Variants in PANX1 observed in about 807,000 individuals in gnomAD.
PANX1 encodes pannexin 1, also known as pannexin-1.
A neutral mutation model predicts 38.7 loss-of-function variants in PANX1; 30 were observed. That is an observed-to-expected ratio of 0.78 (90% CI 0.58 to 1.05). The LOEUF (loss-of-function observed/expected upper bound fraction) is 1.05, where lower values mean the gene tolerates loss of function less well. Ranked by LOEUF, PANX1 falls within the 50% of genes least tolerant of loss-of-function variation. PANX1 has a pLI of 0.00. For synonymous variants in PANX1, 230 were observed against 212.2 expected (o/e 1.08, Z -0.73); for missense variants, 551 against 517.2 (o/e 1.07, Z -0.63).
At chr11:94,172,183 G>A (rs968068081) in intron 2 of PANX1, among the ~76,000 whole-genome samples, 25 of 151,580 alleles carry the variant, frequency 1.6e-4, no homozygotes, top group African/African-American at 5.9e-4. Context: ...GGCTCCCGAG[G>A]CCATCTAGGC....
intron 1 of PANX1, among the ~76,000 whole-genome samples, chr11:94,142,690 G>C (rs1055909703): frequency 2.0e-5 from 3 of 152,228 alleles, no homozygotes; most frequent in African/African-American, 7.2e-5. Context: ...CCCTTGGAGG[G>C]CTGAGACCAA....
intron 1 of PANX1, among the ~76,000 whole-genome samples, chr11:94,135,919 A>G (rs528676769): frequency 2.0e-5 from 3 of 152,228 alleles, no homozygotes; most frequent in Non-Finnish European, 4.4e-5. Context: ...GTGCCAGTAC[A>G]TAGGTGTCAC....
chr11:94,140,484 A>G (rs1946748866), intron 1 of PANX1, among the ~76,000 whole-genome samples: 1 of 152,180 alleles, frequency 6.6e-6, no homozygotes, highest in Non-Finnish European at 1.5e-5. Flanking sequence ...TGTCCCAGAG[A>G]TATCTTCATG....
intron 2 of PANX1, among the ~76,000 whole-genome samples, chr11:94,174,900 A>T (rs1365134159): frequency 1.3e-5 from 2 of 151,788 alleles, no homozygotes; most frequent in Non-Finnish European, 2.9e-5. Context: ...ACTATAACCC[A>T]TTCCAGAAAC....
intron 2 of PANX1, among the ~76,000 whole-genome samples, chr11:94,177,680 G>T (rs1947250572): frequency 6.7e-6 from 1 of 148,222 alleles, no homozygotes; most frequent in Admixed American, 6.7e-5. Flanking sequence ...CTCTTGTTTG[G>T]TGTGTGTCTG....
chr11:94,159,069 T>A (rs1313444993), intron 2 of PANX1, among the ~76,000 whole-genome samples: 1 of 152,238 alleles, frequency 6.6e-6, no homozygotes, highest in African/African-American at 2.4e-5. Flanking sequence ...TTGCGTATGT[T>A]GAACCAGCCT....
intron 1 of PANX1, among the ~76,000 whole-genome samples, chr11:94,134,843 TG>T (rs1008364462): frequency 9.2e-5 from 14 of 152,282 alleles, no homozygotes; most frequent in Admixed American, 6.5e-4. Flanking sequence ...GCTGGTACCT[TG>T]ATCTTGAACT....
At chr11:94,172,848 G>C (rs1947183912) in intron 2 of PANX1, among the ~76,000 whole-genome samples, 2 of 151,622 alleles carry the variant, frequency 1.3e-5, no homozygotes, top group African/African-American at 4.9e-5. Context: ...ATCTTGGTAG[G>C]CATCTTTTCC....
At chr11:94,151,380 TAATA>T (rs1946881030) in intron 1 of PANX1, among the ~76,000 whole-genome samples, 2 of 152,208 alleles carry the variant, frequency 1.3e-5, no homozygotes, top group African/African-American at 2.4e-5. Context: ...GAAAGAATGT[TAATA>T]AATGTTGGAT....
chr11:94,139,429 A>G (rs1946735359), intron 1 of PANX1, among the ~76,000 whole-genome samples: 1 of 152,210 alleles, frequency 6.6e-6, no homozygotes, highest in African/African-American at 2.4e-5. Context: ...TTGTCAGGCT[A>G]TCTCACTATT....
intron 2 of PANX1, 129 bp downstream of exon 2, chr11:94,153,759 G>A: frequency 1.2e-6 from 1 of 838,338 alleles, no homozygotes. Flanking sequence ...TTGTAAAACT[G>A]TAGCACCTTA....
At chr11:94,152,068 G>T (rs563481893) in intron 1 of PANX1, among the ~76,000 whole-genome samples, 37 of 137,494 alleles carry the variant, frequency 2.7e-4, no homozygotes, top group South Asian at 6.2e-4. Flanking sequence ...TATGTGCCAG[G>T]GATTAGGGAA....
chr11:94,155,685 T>TC, intron 2 of PANX1, among the ~76,000 whole-genome samples: 1 of 152,254 alleles, frequency 6.6e-6, no homozygotes, highest in Middle Eastern at 3.4e-3. Flanking sequence ...TCATGCTGTA[T>TC]CAGGAGCGGT....
chr11:94,140,948 A>T (rs1459066888), intron 1 of PANX1, among the ~76,000 whole-genome samples: 1 of 152,198 alleles, frequency 6.6e-6, no homozygotes, highest in Admixed American at 6.5e-5. Flanking sequence ...ATTTCATTTC[A>T]TAGTAGATGA....
In PANX1 at chr11:94,179,867, G is replaced by C. The variant is rs1947283205; in HGVS notation, c.811G>C (p.Gly271Arg). The C allele has an allele frequency of 6.2e-7, 1 of 1,614,016 alleles. No homozygotes were observed. ...GTTTCAGTGCAAACTCATTGCCGTG[G>C]GCATCTTCCAGTTGCTCAGTGTCAT... The part of the protein sequence containing the change: ...DQFQCKLIAV[G>R]IFQLLSVINL... Residue 271 changes from glycine (G) to arginine (R), a missense_variant, in exon 4 of 5, where the codon GGC becomes CGC. Gly to Arg is a moderately radical substitution (Grantham distance 125). Transcript: ENST00000227638.
Position 94,164,551 on chromosome 11 carries a change from C to G in PANX1, c.321+10921C>G, listed in dbSNP as rs1049778929. On this transcript the variant is annotated intron_variant, in intron 2 of 4. Coordinates refer to ENST00000227638, the MANE Select transcript of PANX1 (RefSeq NM_015368.4). The stretch of plus-strand genomic sequence containing the variant: ...TCTGACCTTGTGGTCAGAAAAGATA[C>G]TTTTATGATTTCAATTATTTTGAAT... Among the ~76,000 whole-genome samples, 3 of 152,252 alleles carry G rather than the reference C, an allele frequency of 2.0e-5. No individual in the cohort carries two copies. The East Asian group carries it at 5.8e-4, about 29-fold the overall frequency.
intron 2 of PANX1, among the ~76,000 whole-genome samples, chr11:94,163,338 C>G (rs190196044): frequency 6.6e-6 from 1 of 152,222 alleles, no homozygotes; most frequent in East Asian, 1.9e-4. Context: ...TTTCCCCATT[C>G]TTTGTGACAC....
chr11:94,172,501 A>T (rs969675326), intron 2 of PANX1, among the ~76,000 whole-genome samples: 2 of 151,814 alleles, frequency 1.3e-5, no homozygotes, highest in Non-Finnish European at 2.9e-5. Context: ...GCAGACTAGG[A>T]CACACATGCT....
At chr11:94,155,999 GT>G (rs1434547632) in intron 2 of PANX1, among the ~76,000 whole-genome samples, 1 of 152,150 alleles carries the variant, frequency 6.6e-6, no homozygotes, top group Non-Finnish European at 1.5e-5. Context: ...TTGTTATAGT[GT>G]TCTCATGAAA....
Sources: allele counts gnomAD v4.1 joint callset (sites outside exome capture counted in the v4.1 genomes callset), GRCh38; gene constraint gnomAD v4.1.1; transcripts MANE v1.5; gene names NCBI Gene and HGNC (gene_info 2026-07-23, HGNC 2026-07-21).